CASD1: variants seen among roughly 807,000 people sequenced by gnomAD.
CASD1 encodes the protein CAS1 domain sialic acid O acetyltransferase 1, also known as N-acetylneuraminate (7)9-O-acetyltransferase.
CASD1 carries 41 observed loss-of-function variants against 100.0 expected under a neutral mutation model. That is an observed-to-expected ratio of 0.41 (90% CI 0.32 to 0.53). The LOEUF is 0.53. Among genes scored for constraint, CASD1 ranks in the 20% least tolerant of loss-of-function variants. The pLI, the probability that CASD1 is intolerant of heterozygous loss-of-function variation, is 0.25. For synonymous variants in CASD1, 321 were observed against 315.6 expected (o/e 1.02, Z -0.18); for missense variants, 774 against 948.7 (o/e 0.82, Z 2.42).
chr7:94,598,833 G>A, the CASD1 span: 6 of 1,613,200 alleles, frequency 3.7e-6, no homozygotes, highest in Non-Finnish European at 5.1e-6. Flanking sequence ...TGTAAAGGAG[G>A]TATGATTTCC....
chr7:94,612,896 A>C, the CASD1 span, among the ~76,000 whole-genome samples: 1 of 151,992 alleles, frequency 6.6e-6, no homozygotes, highest in Non-Finnish European at 1.5e-5. Flanking sequence ...CACATATTCA[A>C]TCCATCATCA....
At chr7:94,562,798 A>G in the CASD1 span, among the ~76,000 whole-genome samples, 1 of 152,090 alleles carries the variant, frequency 6.6e-6, no homozygotes, top group South Asian at 2.1e-4. Context: ...AACCTCTTCT[A>G]TGGATGCTTC....
rs1794607560 is a variant in CASD1, at chr7:94,527,071, T to C, written c.352-91T>C. 4 of 937,150 alleles carry C rather than the reference T, an allele frequency of 4.3e-6. No homozygotes were observed. The African/African-American group carries it at 5.1e-5, about 12-fold the overall frequency. The allele number at this position is 937,150 out of a possible 1,614,324, so 58.1% of individuals were successfully genotyped here. A position where few individuals can be genotyped will look rare whatever the true frequency, so the allele number is the denominator to read the frequency against. ...GCATAAAAATATATCAACAAAAATA[T>C]GCATAAAAATAAATCAAAGCAGCTA... On this transcript the variant is annotated intron_variant, in intron 3 of 17. Coordinates refer to ENST00000297273, the MANE Select transcript of CASD1 (RefSeq NM_022900.5).
chr7:94,610,812 GAAT>G, the CASD1 span, among the ~76,000 whole-genome samples: 2 of 151,952 alleles, frequency 1.3e-5, no homozygotes, highest in African/African-American at 4.8e-5. Flanking sequence ...ATCAAAAAAT[GAAT>G]AATTCAATTA....
chr7:94,574,328 G>C, the CASD1 span, among the ~76,000 whole-genome samples: 1 of 152,034 alleles, frequency 6.6e-6, no homozygotes, highest in African/African-American at 2.4e-5. Context: ...TGTACATCTG[G>C]TAGAATTTGG....
At chr7:94,586,996 TG>T in the CASD1 span, 7 of 984,092 alleles carry the variant, frequency 7.1e-6, no homozygotes, top group South Asian at 4.7e-5. Context: ...TGCAGAAAAA[TG>T]TAAGAAAACA....
At chr7:94,541,159 A>C (rs1795373662) in intron 10 of CASD1, among the ~76,000 whole-genome samples, 9 of 152,082 alleles carry the variant, frequency 5.9e-5, no homozygotes, top group Admixed American at 5.9e-4. Flanking sequence ...GTTGTAGTTA[A>C]AAAATTTCCT....
the CASD1 span, chr7:94,618,897 A>C: frequency 6.2e-7 from 1 of 1,614,090 alleles, no homozygotes; most frequent in African/African-American, 1.3e-5. Context: ...TCACTGGCCA[A>C]CATTTCTTCT....
chr7:94,513,740 C>T (rs1423537585), intron 1 of CASD1, among the ~76,000 whole-genome samples: 3 of 152,202 alleles, frequency 2.0e-5, no homozygotes, highest in Non-Finnish European at 4.4e-5. Context: ...CAGAGCCTAA[C>T]ACACAATAGG....
rs549868569 is a variant in CASD1, at chr7:94,555,950, A to AAAAC, written c.*208_*211dup. ...ATGTACATATCCAATATGAAATACT[A>AAAAC]AAACAAACAAACAAACAAAAAACCA... On this transcript the variant is annotated 3_prime_UTR_variant, in exon 18 of 18. Transcript: ENST00000297273. The AAAAC allele has an allele frequency of 3.6e-6, 2 of 554,714 alleles. No homozygotes were observed. Among genetic ancestry groups the AAAAC allele is most frequent in the African/African-American group, 1.9e-5 (1 of 52,944 alleles). The allele number at this position is 554,714 out of a possible 1,614,324, so 34.4% of individuals were successfully genotyped here.
At chr7:94,628,368 G>T in the CASD1 span, 1 of 1,597,850 alleles carries the variant, frequency 6.3e-7, no homozygotes, top group Non-Finnish European at 8.6e-7. Flanking sequence ...GCCTAGATAA[G>T]AAACAGAGAA....
intron 10 of CASD1, among the ~76,000 whole-genome samples, chr7:94,539,968 C>A (rs1474421420): frequency 1.3e-5 from 2 of 152,134 alleles, no homozygotes; most frequent in African/African-American, 4.8e-5. Context: ...GTGTGGAAGA[C>A]CCTTCCTTTG....
At chr7:94,539,300 C>T (rs1255193888) in intron 10 of CASD1, among the ~76,000 whole-genome samples, 2 of 152,028 alleles carry the variant, frequency 1.3e-5, no homozygotes, top group African/African-American at 4.8e-5. Context: ...TAATTTTTAA[C>T]ATAATAGAAA....
chr7:94,570,812 C>A, the CASD1 span, among the ~76,000 whole-genome samples: 1 of 152,058 alleles, frequency 6.6e-6, no homozygotes, highest in African/African-American at 2.4e-5. Flanking sequence ...TCTTTTAAAT[C>A]ATGTAGAAAA....
chr7:94,563,000 C>T, the CASD1 span, among the ~76,000 whole-genome samples: 2 of 152,098 alleles, frequency 1.3e-5, no homozygotes, highest in African/African-American at 4.8e-5. Context: ...CCGGAACAAC[C>T]TGATATGATG....
the CASD1 span, among the ~76,000 whole-genome samples, chr7:94,568,157 A>G: frequency 1.3e-5 from 2 of 152,200 alleles, no homozygotes; most frequent in Non-Finnish European, 2.9e-5. Flanking sequence ...AGCCTCTCTA[A>G]TTAAAACTGT....
Position 94,549,098 on chromosome 7 carries a change from G to A in CASD1, c.1714-435G>A, listed in dbSNP as rs1164266190. On this transcript the variant is annotated intron_variant, in intron 13 of 17. Coordinates refer to ENST00000297273, the MANE Select transcript of CASD1 (RefSeq NM_022900.5). ...TAACTATATTTTAACTTTAACAGTT[G>A]TTATTTGGGATACTGATACCATACT... Among the ~76,000 whole-genome samples, 3 of 151,900 alleles carry A rather than the reference G, an allele frequency of 2.0e-5. No homozygotes were observed. The South Asian group carries it at 6.2e-4, about 31-fold the overall frequency.
At chr7:94,521,063 G>T (rs1317084737) in intron 3 of CASD1, among the ~76,000 whole-genome samples, 1 of 152,216 alleles carries the variant, frequency 6.6e-6, no homozygotes, top group Admixed American at 6.5e-5. Flanking sequence ...CTGCACTCCA[G>T]CCTGGCGACA....
the CASD1 span, chr7:94,587,381 C>T: frequency 1.9e-6 from 2 of 1,079,944 alleles, no homozygotes; most frequent in African/African-American, 3.3e-5. Flanking sequence ...TAGAAATTGC[C>T]TGCTTCCTAC....
Sources: gnomAD v4.1 joint callset for allele counts (sites outside exome capture counted in the v4.1 genomes callset) on GRCh38, gnomAD v4.1.1 for gene constraint, MANE v1.5 for transcripts, NCBI Gene and HGNC (gene_info 2026-07-23, HGNC 2026-07-21) for gene names.